The following ACTR3 variants were observed in gnomAD, a reference collection of about 807,000 sequenced individuals.
ACTR3 encodes the protein actin related protein 3, also known as actin-related protein 3.
In ACTR3, 12 loss-of-function variants were observed where a neutral mutation model predicts 56.8. The ratio of observed to expected loss-of-function variants is 0.21; its 90% CI spans 0.14 to 0.34. The LOEUF (loss-of-function observed/expected upper bound fraction) is 0.34. Among genes scored for constraint, ACTR3 ranks in the 10% least tolerant of loss-of-function variants. ACTR3 has a pLI of 1.00. For missense variants in ACTR3, 282 were observed against 512.5 expected, an observed-to-expected ratio of 0.55 and a Z score of 4.34; for synonymous variants, 162 against 167.4, an observed-to-expected ratio of 0.97 and a Z score of 0.25.
chr2:113,905,748 A>G (rs934614748), intron 1 of ACTR3, among the ~76,000 whole-genome samples: 1 of 152,174 alleles, frequency 6.6e-6, no homozygotes, highest in Non-Finnish European at 1.5e-5. Flanking sequence ...GTGGAATTGT[A>G]CAATAGTTGT....
At chr2:113,892,429 C>T (rs1228312121) in intron 1 of ACTR3, among the ~76,000 whole-genome samples, 2 of 152,232 alleles carry the variant, frequency 1.3e-5, no homozygotes, top group African/African-American at 2.4e-5. Flanking sequence ...TGCCACCTCA[C>T]TCTCTTTTAC....
chr2:113,894,872 G>A (rs1012454246), intron 1 of ACTR3, among the ~76,000 whole-genome samples: 1 of 152,150 alleles, frequency 6.6e-6, no homozygotes, highest in African/African-American at 2.4e-5. Context: ...TAAGTCCTGT[G>A]TTCTTTCTGT....
chr2:113,952,055 C>G, intron 10 of ACTR3: 1 of 622,886 alleles, frequency 1.6e-6, no homozygotes, highest in Non-Finnish European at 2.5e-6. Flanking sequence ...GAAAATAATT[C>G]TTAGTAATAC....
At chr2:113,936,218 G>C (rs1343539693) in intron 6 of ACTR3, among the ~76,000 whole-genome samples, 3 of 150,538 alleles carry the variant, frequency 2.0e-5, no homozygotes, top group African/African-American at 7.4e-5. Flanking sequence ...CCTGACCCTG[G>C]AGAGGTTGAG....
At chr2:113,933,672 A>C (rs1412047776) in intron 5 of ACTR3, among the ~76,000 whole-genome samples, 2 of 145,800 alleles carry the variant, frequency 1.4e-5, no homozygotes, top group Non-Finnish European at 3.0e-5. Flanking sequence ...AGTTAGTTCT[A>C]TACAATTTTT....
In ACTR3 at chr2:113,890,267, G is replaced by A; in HGVS notation, c.-13G>A. On this transcript the variant is annotated 5_prime_UTR_variant, in exon 1 of 12. Coordinates refer to ENST00000263238, the MANE Select transcript of ACTR3 (RefSeq NM_005721.5). ...GCAGACGGCGGCAGCAGCAGCAGCA[G>A]GCGAGGAGGAAGATGGCGGGACGGC... 1 of 1,551,552 alleles carries A rather than the reference G, an allele frequency of 6.4e-7. No individual in the cohort carries two copies. The highest frequency in any genetic ancestry group is 8.7e-7 in the Non-Finnish European group (1 of 1,146,974).
At chr2:113,954,068 C>T (rs1275779176) in intron 10 of ACTR3, 2 of 152,038 alleles carry the variant, frequency 1.3e-5, no homozygotes, top group Non-Finnish European at 2.9e-5. Flanking sequence ...AATATTTCTG[C>T]TTGAGTAGGT....
At chr2:113,925,529 A>G (rs1679604211) in intron 3 of ACTR3, among the ~76,000 whole-genome samples, 1 of 152,100 alleles carries the variant, frequency 6.6e-6, no homozygotes, top group Non-Finnish European at 1.5e-5. Context: ...CTGTAGTGTA[A>G]TATTTGTTCG....
rs1248389386 is a variant in ACTR3, at chr2:113,946,368, G to T, written c.858+4009G>T. Among the ~76,000 whole-genome samples, 38 of 151,654 alleles carry T rather than the reference G, an allele frequency of 2.5e-4. 1 individual carries two copies. The highest frequency in any genetic ancestry group is 4.4e-5 in the Non-Finnish European group (3 of 67,914). The stretch of plus-strand genomic sequence containing the variant: ...TCCTTCATTTTTTAGGAGGGATGGT[G>T]TGAGAATATTTTTTGAGTTTTTAAT... On this transcript the variant is annotated intron_variant, in intron 8 of 11. Transcript: ENST00000263238.
intron 10 of ACTR3, chr2:113,952,713 T>C (rs1574385488): frequency 6.6e-6 from 1 of 152,196 alleles, no homozygotes. Context: ...GTAAAAAGTA[T>C]ATGTTTTGGG....
chr2:113,913,518 G>T (rs1455595499), intron 2 of ACTR3, among the ~76,000 whole-genome samples: 1 of 152,184 alleles, frequency 6.6e-6, no homozygotes, highest in African/African-American at 2.4e-5. Flanking sequence ...GCAGTTAACA[G>T]TATGGGGGTA....
chr2:113,897,518 ATTTTTT>A (rs58363370), intron 1 of ACTR3, among the ~76,000 whole-genome samples: 33,923 of 99,386 alleles, frequency 0.34, 7,766 homozygotes, highest in African/African-American at 0.66. Flanking sequence ...GCCAGATGTT[ATTTTTT>A]TTTTTTTTTT....
chr2:113,895,077 T>C (rs2047884), intron 1 of ACTR3, among the ~76,000 whole-genome samples: 37,752 of 77,408 alleles, frequency 0.49, 8,806 homozygotes, highest in African/African-American at 0.72. Flanking sequence ...CCCACCCCCC[T>C]GCCGATATGT....
intron 4 of ACTR3, among the ~76,000 whole-genome samples, chr2:113,927,834 A>G (rs771673229): frequency 1.6e-3 from 247 of 152,282 alleles, no homozygotes; most frequent in Non-Finnish European, 2.7e-3. Context: ...TTTATTAAAC[A>G]TCTTTTTATT....
chr2:113,919,458 T>G (rs1485509120), intron 3 of ACTR3, among the ~76,000 whole-genome samples: 6 of 152,338 alleles, frequency 3.9e-5, no homozygotes, highest in African/African-American at 1.2e-4. Context: ...GGGATTCTGA[T>G]TATTACATAC....
intron 6 of ACTR3, among the ~76,000 whole-genome samples, chr2:113,936,706 G>T (rs1441295069): frequency 1.3e-5 from 2 of 152,084 alleles, no homozygotes; most frequent in Non-Finnish European, 2.9e-5. Flanking sequence ...CTACAGACTG[G>T]GTACCTAAAG....
chr2:113,927,429 G>A lies in ACTR3; in HGVS notation c.310G>A (p.Glu104Lys). Residue 104 changes from glutamate to lysine, a missense_variant, in exon 4 of 12, where the codon GAA becomes AAA. Transcript: ENST00000263238. Reference protein sequence around the residue: ...EQVIFKYLRAEPEDHYFLLTE... With the variant: ...EQVIFKYLRAKPEDHYFLLTE... ...AGTGATCTTTAAATATTTAAGGGCA[G>A]AACCTGAAGACCATTATTTTCTTTT... is the stretch of plus-strand genomic sequence containing the variant. 6.3e-7 allele frequency: 1 copy of A among 1,592,986 alleles called. No homozygotes were observed. The highest frequency in any genetic ancestry group is 2.3e-5 in the East Asian group (1 of 44,370).
At chr2:113,895,915 A>G (rs1188423444) in intron 1 of ACTR3, among the ~76,000 whole-genome samples, 3 of 152,020 alleles carry the variant, frequency 2.0e-5, no homozygotes, top group South Asian at 2.1e-4. Flanking sequence ...CTGGAGTTCA[A>G]TGGCAAGATC....
At chr2:113,938,256 A>G (rs1000620979) in intron 6 of ACTR3, among the ~76,000 whole-genome samples, 7 of 151,854 alleles carry the variant, frequency 4.6e-5, no homozygotes, top group Non-Finnish European at 1.0e-4. Flanking sequence ...TCTTCATTAT[A>G]TGGAGTATAT....
Sources: allele counts gnomAD v4.1 joint callset (sites outside exome capture counted in the v4.1 genomes callset), GRCh38; gene constraint gnomAD v4.1.1; transcripts MANE v1.5; gene names NCBI Gene and HGNC (gene_info 2026-07-23, HGNC 2026-07-21).